The following SOBP variants were observed in gnomAD, a reference collection of about 807,000 sequenced individuals.
SOBP encodes the protein sine oculis-binding protein homolog.
SOBP carries 4 observed loss-of-function variants against 53.6 expected under a neutral mutation model. The ratio of observed to expected loss-of-function variants is 0.07; its 90% CI spans 0.04 to 0.17. The LOEUF (loss-of-function observed/expected upper bound fraction) is 0.17. Ranked by LOEUF, SOBP falls within the 10% of genes least tolerant of loss-of-function variation. The probability of loss-of-function intolerance (pLI) is 1.00; values close to 1 mark genes in which losing one functional copy is unlikely to be tolerated. For synonymous variants in SOBP, 584 were observed against 522.6 expected, an observed-to-expected ratio of 1.12 and a Z score of -1.60; for missense variants, 1,088 against 1,204.7, an observed-to-expected ratio of 0.90 and a Z score of 1.43.
In SOBP at chr6:107,634,813, A is replaced by C; in HGVS notation, c.1969A>C (p.Thr657Pro). 2 of 1,407,512 alleles carry C rather than the reference A, an allele frequency of 1.4e-6. No homozygotes were observed. Among genetic ancestry groups the C allele is most frequent in the Non-Finnish European group, 1.9e-6 (2 of 1,077,790 alleles). 87.2% of individuals were successfully genotyped at this position (1,407,512 alleles called of 1,614,324 possible). Residue 657 changes from threonine to proline, a missense_variant, in exon 6 of 7, where the codon ACC (threonine) becomes CCC (proline). Transcript: ENST00000317357. This position sits in a 1 kb window ranked among gnomAD's most constrained non-coding sequence, Gnocchi z 4.5. Reference sequence around the variant, plus strand: ...CCCGCAGGACGGCGTCATCGACCTGACCGTGGGCCACCGAGCCCGGCTGCA... The same window carrying C: ...CCCGCAGGACGGCGTCATCGACCTGCCCGTGGGCCACCGAGCCCGGCTGCA... ...QGPQDGVIDLTVGHRARLHNV... is the reference protein window; with the variant it reads ...QGPQDGVIDLPVGHRARLHNV...
At chr6:107,602,568 T>TAAAA (rs71810335) in intron 5 of SOBP, among the ~76,000 whole-genome samples, 11,580 of 102,480 alleles carry the variant, frequency 0.11, 756 homozygotes, top group Admixed American at 0.19. Context: ...TAAGCCGCGT[T>TAAAA]AAAAAAAAAA....
At chr6:107,628,515 A>G (rs575404318) in intron 5 of SOBP, among the ~76,000 whole-genome samples, 19 of 152,308 alleles carry the variant, frequency 1.2e-4, no homozygotes, top group African/African-American at 4.3e-4. Flanking sequence ...CAGCCATAGA[A>G]GCATCCTCCC....
intron 3 of SOBP, among the ~76,000 whole-genome samples, chr6:107,506,967 G>A (rs1031646130): frequency 2.6e-5 from 4 of 151,830 alleles, no homozygotes; most frequent in African/African-American, 9.7e-5. Context: ...TCGGGAGGCC[G>A]AGGCAGAAGG....
intron 6 of SOBP, among the ~76,000 whole-genome samples, chr6:107,646,270 C>A (rs1405470682): frequency 5.3e-5 from 8 of 152,232 alleles, no homozygotes; most frequent in African/African-American, 1.9e-4. Flanking sequence ...GAAGAACTTT[C>A]TTTGTGCTAA....
At chr6:107,509,451 T>G (rs1783099456) in intron 3 of SOBP, among the ~76,000 whole-genome samples, 1 of 150,496 alleles carries the variant, frequency 6.6e-6, no homozygotes, top group Non-Finnish European at 1.5e-5. Context: ...CTTAGCATAG[T>G]GCCTGCCTCA....
intron 4 of SOBP, among the ~76,000 whole-genome samples, chr6:107,567,254 C>G (rs1465431112): frequency 6.6e-6 from 1 of 152,142 alleles, no homozygotes; most frequent in Non-Finnish European, 1.5e-5. Flanking sequence ...CCTCTTCAGT[C>G]CTGCTCCTTG....
chr6:107,559,443 G>GA (rs1225686986), intron 4 of SOBP, among the ~76,000 whole-genome samples: 1 of 152,018 alleles, frequency 6.6e-6, no homozygotes, highest in Non-Finnish European at 1.5e-5. Flanking sequence ...GATCAGAGAT[G>GA]AAAAAAATAA....
intron 1 of SOBP, 34 bp downstream of exon 1, chr6:107,490,746 G>C (rs1017494787): frequency 6.7e-7 from 1 of 1,486,046 alleles, no homozygotes; most frequent in African/African-American, 1.4e-5. Context: ...GGGAGACTGA[G>C]CTCTTTCTTG....
intron 4 of SOBP, among the ~76,000 whole-genome samples, chr6:107,547,723 C>T (rs1784341302): frequency 2.6e-5 from 4 of 152,164 alleles, no homozygotes; most frequent in Admixed American, 1.3e-4. Context: ...GACTCCATGG[C>T]AGATGGTTTA....
At chr6:107,626,619 T>C (rs1770472006) in intron 5 of SOBP, among the ~76,000 whole-genome samples, 1 of 152,226 alleles carries the variant, frequency 6.6e-6, no homozygotes, top group African/African-American at 2.4e-5. Flanking sequence ...TGAATAAATG[T>C]TCACTTTTCA....
intron 4 of SOBP, among the ~76,000 whole-genome samples, chr6:107,584,472 C>T (rs1191052737): frequency 6.6e-6 from 1 of 152,124 alleles, no homozygotes; most frequent in Admixed American, 6.5e-5. Context: ...TCAAGAACTT[C>T]TTGTACTTTG....
At chr6:107,493,508 G>A (rs1329507835) in intron 1 of SOBP, among the ~76,000 whole-genome samples, 1 of 152,190 alleles carries the variant, frequency 6.6e-6, no homozygotes, top group Non-Finnish European at 1.5e-5. Context: ...GGGAGATTTG[G>A]CTCAGGGATT....
chr6:107,497,772 A>G (rs956116488), intron 1 of SOBP, among the ~76,000 whole-genome samples: 3 of 152,150 alleles, frequency 2.0e-5, no homozygotes, highest in African/African-American at 7.2e-5. Flanking sequence ...TAGGATTCCT[A>G]TTGTTTGGCA....
intron 4 of SOBP, among the ~76,000 whole-genome samples, chr6:107,561,656 T>C (rs1004240936): frequency 1.3e-5 from 2 of 152,206 alleles, no homozygotes; most frequent in African/African-American, 4.8e-5. Flanking sequence ...TCAGATTCCT[T>C]GTCAGGTGAA....
chr6:107,599,610 G>GAAAA (rs10685353), intron 5 of SOBP, among the ~76,000 whole-genome samples: 38,466 of 138,166 alleles, frequency 0.28, 6,352 homozygotes, highest in East Asian at 0.55. Flanking sequence ...TGATTTTTGA[G>GAAAA]AAAAAAAAAA....
At chr6:107,550,410 C>T (rs1338728666) in intron 4 of SOBP, among the ~76,000 whole-genome samples, 1 of 152,146 alleles carries the variant, frequency 6.6e-6, no homozygotes, top group Non-Finnish European at 1.5e-5. Context: ...GACTTCACGC[C>T]ACACATTTAT....
chr6:107,561,848 A>T (rs76597674), intron 4 of SOBP, among the ~76,000 whole-genome samples: 2,309 of 152,278 alleles, frequency 0.015, 65 homozygotes, highest in African/African-American at 0.053. Context: ...ACAGCTTGAT[A>T]GTTTAAAAAG....
intron 4 of SOBP, among the ~76,000 whole-genome samples, chr6:107,553,288 CTTA>C (rs1425823098): frequency 6.3e-5 from 9 of 143,362 alleles, no homozygotes; most frequent in South Asian, 4.5e-4. Flanking sequence ...CACTCACGGG[CTTA>C]TTATTATTTT....
At chr6:107,608,605 G>T (rs951883778) in intron 5 of SOBP, among the ~76,000 whole-genome samples, 2 of 152,202 alleles carry the variant, frequency 1.3e-5, no homozygotes, top group African/African-American at 2.4e-5. Flanking sequence ...GGTAAGTGCT[G>T]CATGCTGCAC....
Sources: gnomAD v4.1 joint callset for allele counts (sites outside exome capture counted in the v4.1 genomes callset) on GRCh38, gnomAD v4.1.1 for gene constraint, Gnocchi (gnomAD v3.1) non-coding constraint, MANE v1.5 for transcripts, NCBI Gene and HGNC (gene_info 2026-07-23, HGNC 2026-07-21) for gene names.